The following OTUD7A variants were observed in gnomAD, a reference collection of about 807,000 sequenced individuals.
OTUD7A encodes the protein OTU deubiquitinase 7A.
Under a neutral mutation model 65.7 loss-of-function variants are expected in OTUD7A, and 12 were observed. That is an observed-to-expected ratio of 0.18 (90% confidence interval 0.12 to 0.30). OTUD7A has a LOEUF of 0.30. OTUD7A is among the 10% of genes least tolerant of loss of function. The pLI, the probability that OTUD7A is intolerant of heterozygous loss-of-function variation, is 1.00. For synonymous variants in OTUD7A, 641 were observed against 586.3 expected (o/e 1.09, Z -1.35); for missense variants, 1,148 against 1,304.8 (o/e 0.88, Z 1.85).
At chr15:31,775,012 A>C (rs968212849) in intron 1 of OTUD7A, among the ~76,000 whole-genome samples, 15 of 151,158 alleles carry the variant, frequency 9.9e-5, no homozygotes, top group Non-Finnish European at 2.2e-4. Context: ...AAAAAGAGAC[A>C]CAACATCACA....
chr15:31,792,261 T>C (rs1332470863), intron 1 of OTUD7A, among the ~76,000 whole-genome samples: 2 of 152,178 alleles, frequency 1.3e-5, no homozygotes, highest in African/African-American at 2.4e-5. Context: ...CTGACACCCC[T>C]GACTACATTC....
At chr15:31,581,609 G>A (rs570201094) in intron 3 of OTUD7A, among the ~76,000 whole-genome samples, 1 of 152,362 alleles carries the variant, frequency 6.6e-6, no homozygotes, top group Non-Finnish European at 1.5e-5. Flanking sequence ...TGTGGAAGCT[G>A]CCAAGGCTTG....
At chr15:31,624,402 A>G (rs1424142754) in intron 3 of OTUD7A, among the ~76,000 whole-genome samples, 2 of 152,392 alleles carry the variant, frequency 1.3e-5, no homozygotes, top group Non-Finnish European at 1.5e-5. Context: ...CAGAGGACAC[A>G]TAGAAACAGA....
In OTUD7A at chr15:31,498,902, C is replaced by T. The variant is rs938557995; in HGVS notation, c.1171+2788G>A. ...TCCTGACCTTCCACCTCAAGCCCTTCCCTCTCCCCATGTTGCATGCCTAGC... is the reference window on the plus strand; with the variant it reads ...TCCTGACCTTCCACCTCAAGCCCTTTCCTCTCCCCATGTTGCATGCCTAGC... On this transcript the variant is annotated intron_variant, in intron 10 of 12. Coordinates refer to ENST00000307050, the MANE Select transcript of OTUD7A (RefSeq NM_001382637.1). The surrounding 1 kb of genome is among the most constrained non-coding windows in gnomAD (Gnocchi z 4.2). 1.4e-4 allele frequency among the ~76,000 whole-genome samples: 22 copies of T among 152,318 alleles called. No homozygotes were observed. Among genetic ancestry groups the T allele is most frequent in the Middle Eastern group, 3.4e-3 (1 of 294 alleles).
At chr15:31,502,142 C>T (rs2041478524) in intron 9 of OTUD7A, among the ~76,000 whole-genome samples, 1 of 152,220 alleles carries the variant, frequency 6.6e-6, no homozygotes, top group Admixed American at 6.5e-5. Flanking sequence ...TCTGGATGTA[C>T]TTCTTCCTTT....
chr15:31,709,810 G>A (rs892746771), intron 1 of OTUD7A, among the ~76,000 whole-genome samples: 1 of 152,110 alleles, frequency 6.6e-6, no homozygotes, highest in Non-Finnish European at 1.5e-5. Flanking sequence ...GCAAATATAT[G>A]TGTATATATA....
intron 1 of OTUD7A, among the ~76,000 whole-genome samples, chr15:31,676,525 A>T (rs558692033): frequency 1.3e-5 from 2 of 152,368 alleles, no homozygotes; most frequent in Admixed American, 1.3e-4. Flanking sequence ...CCTAAGAGGT[A>T]TGCATAGAAT....
At chr15:31,617,529 T>G (rs1018179107) in intron 3 of OTUD7A, among the ~76,000 whole-genome samples, 1 of 152,076 alleles carries the variant, frequency 6.6e-6, no homozygotes, top group Non-Finnish European at 1.5e-5. Context: ...GCAAGACTTA[T>G]ATACATTTAT....
intron 5 of OTUD7A, among the ~76,000 whole-genome samples, chr15:31,545,052 A>G (rs1174653394): frequency 6.6e-6 from 1 of 152,098 alleles, no homozygotes. Flanking sequence ...GTCAAAGGAA[A>G]AATTATAATA....
At chr15:31,852,038 T>C (rs1897440402) in intron 1 of OTUD7A, among the ~76,000 whole-genome samples, 1 of 152,194 alleles carries the variant, frequency 6.6e-6, no homozygotes, top group African/African-American at 2.4e-5. Context: ...TTTGTAATTT[T>C]AGTAGAGACG....
At chr15:31,807,822 C>G (rs1293040772) in intron 1 of OTUD7A, among the ~76,000 whole-genome samples, 1 of 151,934 alleles carries the variant, frequency 6.6e-6, no homozygotes, top group African/African-American at 2.4e-5. Flanking sequence ...CAAAAAAACC[C>G]ACAAATACAC....
rs185699255 is a variant in OTUD7A at position 31,778,526 on chromosome 15, C to T, written c.-100+91981G>A. Among the ~76,000 whole-genome samples the T allele has an allele frequency of 5.9e-5, 9 of 152,334 alleles. No individual in the cohort carries two copies. The East Asian group carries it at 9.6e-4, about 16-fold the overall frequency. ...ACTACATACAATGCACACAGTGGCA[C>T]GGAGTGGGGCTCTGTCCCTCGTGAG... On this transcript the variant is annotated intron_variant, in intron 1 of 12. Transcript: ENST00000307050.
At chr15:31,737,533 T>A (rs181868591) in intron 1 of OTUD7A, among the ~76,000 whole-genome samples, 14 of 152,366 alleles carry the variant, frequency 9.2e-5, no homozygotes, top group Non-Finnish European at 1.9e-4. Flanking sequence ...GGGGAAGATG[T>A]GAACTTCTAT....
intron 5 of OTUD7A, among the ~76,000 whole-genome samples, chr15:31,547,353 CAT>C (rs570654408): frequency 8.0e-4 from 122 of 152,298 alleles, no homozygotes; most frequent in African/African-American, 1.8e-3. Flanking sequence ...TTTAACATCA[CAT>C]GTTTCTTATT....
intron 1 of OTUD7A, among the ~76,000 whole-genome samples, chr15:31,831,296 A>T (rs1402257866): frequency 6.6e-6 from 1 of 152,210 alleles, no homozygotes; most frequent in South Asian, 2.1e-4. Flanking sequence ...AATAAATCAG[A>T]CTTCGTAAAA....
intron 1 of OTUD7A, among the ~76,000 whole-genome samples, chr15:31,812,238 T>C (rs1252482980): frequency 7.4e-6 from 1 of 134,764 alleles, no homozygotes; most frequent in Non-Finnish European, 1.7e-5. Flanking sequence ...GCTGACCCTG[T>C]TCAGGGAGCC....
At chr15:31,610,607 A>ATTTTTTTTTTTTTTTT (rs1395271113) in intron 3 of OTUD7A, among the ~76,000 whole-genome samples, 2 of 39,564 alleles carry the variant, frequency 5.1e-5, no homozygotes, top group Non-Finnish European at 4.6e-5. Flanking sequence ...ATATATATAT[A>ATTTTTTTTTTTTTTTT]TATATATATA....
At chr15:31,585,029 T>C (rs947292436) in intron 3 of OTUD7A, among the ~76,000 whole-genome samples, 1 of 152,198 alleles carries the variant, frequency 6.6e-6, no homozygotes, top group African/African-American at 2.4e-5. Context: ...ATGGGTTTGG[T>C]GACTTGGAGG....
rs556501784 is a variant in OTUD7A, at chr15:31,611,086, T to TA, written c.152-40890dup. Among the ~76,000 whole-genome samples, 25 of 152,004 alleles carry TA rather than the reference T, an allele frequency of 1.6e-4. No homozygotes were observed. The East Asian group carries it at 4.8e-3, about 29-fold the overall frequency. On this transcript the variant is annotated intron_variant, in intron 3 of 12. Transcript: ENST00000307050. ...TCAAAAATGAAATCAAGATGGAAAT[T>TA]AAAAAATTCTTCAAGCTGAATGACA...
Sources: gnomAD v4.1 joint callset for allele counts (sites outside exome capture counted in the v4.1 genomes callset) on GRCh38, gnomAD v4.1.1 for gene constraint, Gnocchi (gnomAD v3.1) non-coding constraint, MANE v1.5 for transcripts, NCBI Gene and HGNC (gene_info 2026-07-23, HGNC 2026-07-21) for gene names.